The following AMBRA1 variants were observed in gnomAD, a reference collection of about 807,000 sequenced individuals.
AMBRA1 encodes the protein autophagy and beclin 1 regulator 1.
In AMBRA1, 47 loss-of-function variants were observed where a neutral mutation model predicts 125.4. That is an observed-to-expected ratio of 0.37 (90% confidence interval 0.30 to 0.48). AMBRA1 has a LOEUF of 0.48. Among genes scored for constraint, AMBRA1 ranks in the 20% least tolerant of loss-of-function variants. AMBRA1 has a pLI of 0.99. For synonymous variants in AMBRA1, 626 were observed against 655.5 expected, an observed-to-expected ratio of 0.95 and a Z score of 0.69; for missense variants, 1,331 against 1,693.4, an observed-to-expected ratio of 0.79 and a Z score of 3.76.
rs186733805 is a variant in AMBRA1, at chr11:46,426,217, T to C, written c.2976+7257A>G. Among the ~76,000 whole-genome samples the C allele has an allele frequency of 7.2e-5, 11 of 152,222 alleles. No homozygotes were observed. In the East Asian group the frequency reaches 2.1e-3, roughly 29 times the overall value. On this transcript the variant is annotated intron_variant, in intron 14 of 17. Transcript: ENST00000683756. ...ATAGTGGTGGTGAGCAGGGTGCACATGCGTGGACATGCAGAGAAACCCAGG... is the reference window on the plus strand; with the variant it reads ...ATAGTGGTGGTGAGCAGGGTGCACACGCGTGGACATGCAGAGAAACCCAGG...
chr11:46,556,520 T>C (rs2043160530), intron 1 of AMBRA1, among the ~76,000 whole-genome samples: 1 of 152,182 alleles, frequency 6.6e-6, no homozygotes. Context: ...TAACTCTAGA[T>C]GGAGAAGTCA....
chr11:46,473,744 G>A (rs1235232060), intron 11 of AMBRA1, among the ~76,000 whole-genome samples: 3 of 152,162 alleles, frequency 2.0e-5, no homozygotes, highest in Admixed American at 6.5e-5. Flanking sequence ...TCCGCCTCGC[G>A]GGTTCACACC....
chr11:46,423,648 C>G (rs944951421), intron 14 of AMBRA1, among the ~76,000 whole-genome samples: 1 of 152,120 alleles, frequency 6.6e-6, no homozygotes, highest in African/African-American at 2.4e-5. Flanking sequence ...GCCTCGGCCT[C>G]CCAAAGTGCT....
At chr11:46,463,690 C>A (rs926200862) in intron 11 of AMBRA1, among the ~76,000 whole-genome samples, 1 of 152,200 alleles carries the variant, frequency 6.6e-6, no homozygotes, top group African/African-American at 2.4e-5. Context: ...AATCTTTTGT[C>A]TGATTTCTGC....
intron 1 of AMBRA1, among the ~76,000 whole-genome samples, chr11:46,585,694 A>AAAAAAAAAAT (rs2044358103): frequency 2.0e-5 from 1 of 50,204 alleles, no homozygotes. Flanking sequence ...AAAAAAAAAA[A>AAAAAAAAAAT]AATATATATA....
rs1555001772 is a variant in AMBRA1, at chr11:46,542,538, G to A, written c.1479C>T (p.Gly493=). The change falls in exon 7 of 18, where the codon GGC becomes GGT. Residue 493 remains glycine, a synonymous_variant. Transcript: ENST00000683756. The surrounding 1 kb of genome is among the most constrained non-coding windows in gnomAD (Gnocchi z 5.9). ...GGNGSSQNNS[G]SIRHELQCDL... Reference sequence around the variant, plus strand: ...CACACTGAAGCTCATGGCGAATGCTGCCCGAGTTGTTTTGGCTGGAGCCAT... The same window carrying A: ...CACACTGAAGCTCATGGCGAATGCTACCCGAGTTGTTTTGGCTGGAGCCAT... 1 of 1,613,150 alleles carries A rather than the reference G, an allele frequency of 6.2e-7. No homozygotes were observed.
At chr11:46,522,498 G>T (rs150620210) in intron 7 of AMBRA1, among the ~76,000 whole-genome samples, 178 of 152,132 alleles carry the variant, frequency 1.2e-3, no homozygotes, top group African/African-American at 4.0e-3. Flanking sequence ...TTCACCAGAG[G>T]ATGAGTAAGA....
chr11:46,534,418 CCGGGAGG>C (rs1267617443), intron 7 of AMBRA1, among the ~76,000 whole-genome samples: 8 of 152,002 alleles, frequency 5.3e-5, no homozygotes, highest in African/African-American at 1.9e-4. Context: ...TCACTTGAAC[CCGGGAGG>C]CGGAGGTTAC....
At chr11:46,400,708 A>T (rs1945711881) in intron 17 of AMBRA1, among the ~76,000 whole-genome samples, 1 of 151,530 alleles carries the variant, frequency 6.6e-6, no homozygotes, top group Non-Finnish European at 1.5e-5. Flanking sequence ...GCTGGTCTTG[A>T]ACTCCTGGGC....
At chr11:46,537,140 T>C (rs529244743) in intron 7 of AMBRA1, among the ~76,000 whole-genome samples, 1 of 152,196 alleles carries the variant, frequency 6.6e-6, no homozygotes, top group Non-Finnish European at 1.5e-5. Flanking sequence ...CCTAGAAGCA[T>C]TGTGTTAGTT....
chr11:46,458,699 T>A (rs765597686), intron 11 of AMBRA1, among the ~76,000 whole-genome samples: 90 of 152,188 alleles, frequency 5.9e-4, no homozygotes, highest in Non-Finnish European at 1.1e-3. Flanking sequence ...TGGCCTCAAG[T>A]GATCCTCCCA....
Position 46,542,082 on chromosome 11 carries a change from A to G in AMBRA1, c.1935T>C (p.Thr645=), listed in dbSNP as rs1952772896. The change falls in exon 7 of 18, where the codon ACT becomes ACC. Residue 645 remains threonine (T), a synonymous_variant. Transcript: ENST00000683756. This position sits in a 1 kb window ranked among gnomAD's most constrained non-coding sequence, Gnocchi z 5.9. ...SSSASPQEER[T]VGVAFNQETG... The stretch of plus-strand genomic sequence containing the variant: ...TCTCCTGGTTAAAGGCCACCCCCAC[A>G]GTCCTCTCCTCCTGCGGACTAGCAG... 1 of 1,613,886 alleles carries G rather than the reference A, an allele frequency of 6.2e-7. No homozygotes were observed. Among genetic ancestry groups the G allele is most frequent in the Non-Finnish European group, 8.5e-7 (1 of 1,179,922 alleles).
At chr11:46,409,865 C>T (rs1426093618) in intron 16 of AMBRA1, among the ~76,000 whole-genome samples, 1 of 152,234 alleles carries the variant, frequency 6.6e-6, no homozygotes, top group East Asian at 1.9e-4. Flanking sequence ...CAGATTTCTA[C>T]TAATGGGTGC....
At chr11:46,549,395 C>T (rs2042921571) in intron 1 of AMBRA1, among the ~76,000 whole-genome samples, 1 of 152,182 alleles carries the variant, frequency 6.6e-6, no homozygotes, top group Non-Finnish European at 1.5e-5. Context: ...CTATTCTCCA[C>T]CTAGACTCAA....
At chr11:46,422,088 C>A (rs1013911024) in intron 14 of AMBRA1, among the ~76,000 whole-genome samples, 1 of 152,164 alleles carries the variant, frequency 6.6e-6, no homozygotes, top group Non-Finnish European at 1.5e-5. Flanking sequence ...AAGAGACATG[C>A]CGTGCAGCTA....
chr11:46,397,460 C>G lies in AMBRA1; in HGVS notation c.3887G>C (p.Arg1296Pro), dbSNP rs772054193. Reference sequence around the variant, plus strand: ...GTGCAACGTTTGTCTCTACCTGTTCCGTGGTTCTCCCCTAGGGCCTGCAGC... The same window carrying G: ...GTGCAACGTTTGTCTCTACCTGTTCGGTGGTTCTCCCCTAGGGCCTGCAGC... ...GDAAGPRGEPRNR is the reference protein window; with the variant it reads ...GDAAGPRGEPPNR The change falls in exon 18 of 18, where the codon CGG becomes CCG. Residue 1296 changes from arginine (R) to proline (P), a missense_variant. Arg to Pro is a moderately radical substitution (Grantham distance 103). Transcript: ENST00000683756. 64 of 1,506,220 alleles carry G rather than the reference C, an allele frequency of 4.2e-5. No homozygotes were observed. The highest frequency in any genetic ancestry group is 5.6e-5 in the Non-Finnish European group (63 of 1,126,204). The allele number at this position is 1,506,220 out of a possible 1,614,324, so 93.3% of individuals were successfully genotyped here.
chr11:46,418,815 A>C (rs1163154822), intron 14 of AMBRA1, among the ~76,000 whole-genome samples: 1 of 152,086 alleles, frequency 6.6e-6, no homozygotes, highest in African/African-American at 2.4e-5. Context: ...TAGCTAACTA[A>C]CTTCATTGCT....
chr11:46,416,358 C>T (rs1324608661), intron 15 of AMBRA1, among the ~76,000 whole-genome samples: 1 of 152,126 alleles, frequency 6.6e-6, no homozygotes, highest in Non-Finnish European at 1.5e-5. Context: ...CTGGATGCTC[C>T]AGAGATGGTG....
At chr11:46,452,354 G>T (rs971535885) in intron 11 of AMBRA1, among the ~76,000 whole-genome samples, 2 of 151,920 alleles carry the variant, frequency 1.3e-5, no homozygotes, top group Admixed American at 1.3e-4. Flanking sequence ...TGTTGTTGTT[G>T]TTGTTTGTTT....
Sources: gnomAD v4.1 joint callset for allele counts (sites outside exome capture counted in the v4.1 genomes callset) on GRCh38, gnomAD v4.1.1 for gene constraint, Gnocchi (gnomAD v3.1) non-coding constraint, MANE v1.5 for transcripts, NCBI Gene and HGNC (gene_info 2026-07-23, HGNC 2026-07-21) for gene names.